The following RNF144A variants were observed in gnomAD, a reference collection of about 807,000 sequenced individuals.
The protein encoded by RNF144A is ring finger protein 144A.
RNF144A carries 11 observed loss-of-function variants against 38.7 expected under a neutral mutation model. The observed-to-expected ratio is 0.28, with a 90% CI of 0.18 to 0.47. RNF144A has a LOEUF of 0.47. RNF144A is among the 20% of genes least tolerant of loss of function. The pLI, the probability that RNF144A is intolerant of heterozygous loss-of-function variation, is 0.99. For synonymous variants in RNF144A, 149 were observed against 143.9 expected, an observed-to-expected ratio of 1.04 and a Z score of -0.25; for missense variants, 316 against 377.2, an observed-to-expected ratio of 0.84 and a Z score of 1.34.
rs1558387212 is a variant in RNF144A at position 6,962,694 on chromosome 2, C to T, written c.-12+21547C>T. Among the ~76,000 whole-genome samples, 1 of 152,220 alleles carries T rather than the reference C, an allele frequency of 6.6e-6. No individual in the cohort carries two copies. Among genetic ancestry groups the T allele is most frequent in the Non-Finnish European group, 1.5e-5 (1 of 68,050 alleles). ...GAAAATTAATAAAACATTAGTTCTTCCCCATTCTATTTTGCTTGGATATTT... is the reference window on the plus strand; with the variant it reads ...GAAAATTAATAAAACATTAGTTCTTTCCCATTCTATTTTGCTTGGATATTT... On this transcript the variant is annotated intron_variant, in intron 2 of 8. Transcript: ENST00000320892. The surrounding 1 kb of genome is among the most constrained non-coding windows in gnomAD (Gnocchi z 4.1).
At chr2:6,954,129 A>G (rs1429838421) in intron 2 of RNF144A, among the ~76,000 whole-genome samples, 1 of 151,854 alleles carries the variant, frequency 6.6e-6, no homozygotes, top group East Asian at 1.9e-4. Flanking sequence ...TCTGTTTTTA[A>G]AATTTAATTT....
intron 7 of RNF144A, among the ~76,000 whole-genome samples, chr2:7,028,412 T>C (rs1672065733): frequency 6.6e-6 from 1 of 152,164 alleles, no homozygotes; most frequent in South Asian, 2.1e-4. Context: ...GCCTGAGGAC[T>C]GGGCCCTGCC....
chr2:7,015,062 G>A (rs900896571), intron 5 of RNF144A, among the ~76,000 whole-genome samples: 5 of 152,194 alleles, frequency 3.3e-5, no homozygotes, highest in Middle Eastern at 3.2e-3. Context: ...CTCTCTTGAG[G>A]TATTATATTT....
In RNF144A at chr2:6,942,970, G is replaced by C. The variant is rs549943303; in HGVS notation, c.-12+1823G>C. Among the ~76,000 whole-genome samples the C allele has an allele frequency of 4.6e-5, 7 of 152,284 alleles. No individual in the cohort carries two copies. In the East Asian group the frequency reaches 1.3e-3, roughly 29 times the overall value. ...TTGCACTCCAGCCTGGGTGACAAAA[G>C]CGAGACTCCATCTCAATTTGAAAAA... On this transcript the variant is annotated intron_variant, in intron 2 of 8. Transcript: ENST00000320892.
chr2:6,973,832 G>A (rs1279965242), intron 2 of RNF144A, among the ~76,000 whole-genome samples: 2 of 152,188 alleles, frequency 1.3e-5, no homozygotes, highest in African/African-American at 2.4e-5. Context: ...GTTGGCTTAC[G>A]TGCCGTCTCT....
chr2:6,971,925 C>T (rs1668021716), intron 2 of RNF144A, among the ~76,000 whole-genome samples: 1 of 152,084 alleles, frequency 6.6e-6, no homozygotes, highest in Non-Finnish European at 1.5e-5. Context: ...ATGCAGTTTC[C>T]TTTCTAGTCT....
downstream of RNF144A, chr2:7,044,270 A>G (rs866923452): frequency 9.3e-5 from 79 of 848,654 alleles, no homozygotes; most frequent in Middle Eastern, 2.4e-3. Context: ...TATTTAATCT[A>G]TTGAAGATTG....
chr2:6,946,948 G>A (rs899906538), intron 2 of RNF144A, among the ~76,000 whole-genome samples: 1 of 152,106 alleles, frequency 6.6e-6, no homozygotes, highest in Non-Finnish European at 1.5e-5. Flanking sequence ...TGATTAAGTT[G>A]TCAGCTGATC....
Position 7,041,494 on chromosome 2 carries a change from T to C in RNF144A, c.*1734T>C, listed in dbSNP as rs1307287082. The C allele has an allele frequency of 1.4e-5, 14 of 986,002 alleles. No homozygotes were observed. Among genetic ancestry groups the C allele is most frequent in the Non-Finnish European group, 1.7e-5 (14 of 829,932 alleles). The allele number at this position is 986,002 out of a possible 1,614,324, so 61.1% of individuals were successfully genotyped here. Reference sequence around the variant, plus strand: ...CAAGTTTAGTAACTCAGTAAGAACATGCCTGCGACTCCCTTTCTGGATGGA... The same window carrying C: ...CAAGTTTAGTAACTCAGTAAGAACACGCCTGCGACTCCCTTTCTGGATGGA... On this transcript the variant is annotated 3_prime_UTR_variant, in exon 9 of 9. Transcript: ENST00000320892.
At chr2:7,002,890 T>C (rs1307265480) in intron 3 of RNF144A, among the ~76,000 whole-genome samples, 2 of 152,130 alleles carry the variant, frequency 1.3e-5, no homozygotes, top group African/African-American at 4.8e-5. Flanking sequence ...GAAGAACTTC[T>C]AGTGGGAGAA....
chr2:7,068,030 C>G (rs1156885133), intron 6 of RNF144A, among the ~76,000 whole-genome samples: 1 of 152,214 alleles, frequency 6.6e-6, no homozygotes, highest in Non-Finnish European at 1.5e-5. Flanking sequence ...TAGTGGTCCC[C>G]ACCCTGCTCC....
downstream of RNF144A, among the ~76,000 whole-genome samples, chr2:7,045,319 C>T (rs1673261760): frequency 6.6e-6 from 1 of 152,180 alleles, no homozygotes; most frequent in Admixed American, 6.5e-5. Context: ...GGACCACACA[C>T]CAGGGGCTAC....
intron 2 of RNF144A, among the ~76,000 whole-genome samples, chr2:6,979,114 G>C (rs1668479081): frequency 6.6e-6 from 1 of 152,192 alleles, no homozygotes; most frequent in African/African-American, 2.4e-5. Flanking sequence ...TAGTGGGCGA[G>C]GGGCTGGGAT....
intron 2 of RNF144A, among the ~76,000 whole-genome samples, chr2:6,990,413 CACACACACACACACACACACACAG>C (rs1359012593): frequency 7.2e-5 from 10 of 139,166 alleles, no homozygotes; most frequent in Admixed American, 2.2e-4. Context: ...CACACACACA[CACACACACACACACACACACACAG>C]AGCTATATAT....
chr2:6,919,433 A>G (rs867549804), intron 1 of RNF144A, among the ~76,000 whole-genome samples: 5 of 152,230 alleles, frequency 3.3e-5, no homozygotes, highest in South Asian at 2.1e-4. Flanking sequence ...TGCAAAGGAA[A>G]TGTGACTAGA....
intron 1 of RNF144A, among the ~76,000 whole-genome samples, chr2:6,933,973 T>G (rs1665380436): frequency 6.6e-6 from 1 of 152,238 alleles, no homozygotes; most frequent in Non-Finnish European, 1.5e-5. Flanking sequence ...TTGTTTTGTT[T>G]TGTTTTAACA....
At chr2:7,022,829 G>A (rs948769488) in intron 6 of RNF144A, among the ~76,000 whole-genome samples, 1 of 152,130 alleles carries the variant, frequency 6.6e-6, no homozygotes, top group African/African-American at 2.4e-5. Flanking sequence ...ATGCTATCTC[G>A]TTTGCTCCTT....
chr2:6,962,505 C>T lies in RNF144A; in HGVS notation c.-12+21358C>T, dbSNP rs536788665. ...CTTTTTGTTAGAAGGGAAGCTCTGC[C>T]GAGGACTCTTTTTGATCTCATAATT... On this transcript the variant is annotated intron_variant, in intron 2 of 8. Coordinates refer to ENST00000320892, the MANE Select transcript of RNF144A (RefSeq NM_014746.6). This position sits in a 1 kb window ranked among gnomAD's most constrained non-coding sequence, Gnocchi z 4.1. Among the ~76,000 whole-genome samples the T allele has an allele frequency of 3.3e-5, 5 of 152,196 alleles. No individual in the cohort carries two copies. The highest frequency in any genetic ancestry group is 4.8e-5 in the African/African-American group (2 of 41,500).
chr2:7,065,246 G>A (rs1246832224), intron 6 of RNF144A, among the ~76,000 whole-genome samples: 2 of 152,164 alleles, frequency 1.3e-5, no homozygotes, highest in Non-Finnish European at 2.9e-5. Context: ...GAATCTCTTG[G>A]TTCCAAATCC....
Sources: allele counts gnomAD v4.1 joint callset (sites outside exome capture counted in the v4.1 genomes callset), GRCh38; gene constraint gnomAD v4.1.1; non-coding constraint Gnocchi (gnomAD v3.1); transcripts MANE v1.5; gene names NCBI Gene and HGNC (gene_info 2026-07-23, HGNC 2026-07-21).